CSTF2: variants seen among roughly 807,000 people sequenced by gnomAD.
The protein encoded by CSTF2 is CF-1 64 kDa subunit.
Under a neutral mutation model 45.4 loss-of-function variants are expected in CSTF2, and 8 were observed. That is an observed-to-expected ratio of 0.18 (90% CI 0.10 to 0.32). The LOEUF (loss-of-function observed/expected upper bound fraction) is 0.32. Among genes scored for constraint, CSTF2 ranks in the 10% least tolerant of loss-of-function variants. The pLI is 1.00. For synonymous variants in CSTF2, 155 were observed against 158.9 expected, an observed-to-expected ratio of 0.98 and a Z score of 0.18; for missense variants, 253 against 477.1, an observed-to-expected ratio of 0.53 and a Z score of 4.38.
intron 11 of CSTF2, among the ~76,000 whole-genome samples, chrX:100,835,482 A>G (rs1359572336): frequency 9.3e-6 from 1 of 107,301 alleles, no homozygotes; most frequent in Non-Finnish European, 1.9e-5. Flanking sequence ...CTTTTATTAG[A>G]TTTTTCATGT....
intron 12 of CSTF2, 43 bp downstream of exon 12, chrX:100,837,492 C>A (rs751591053): frequency 1.1e-6 from 1 of 907,741 alleles, no homozygotes; most frequent in Admixed American, 2.4e-5. Flanking sequence ...ACAATTCTAG[C>A]CTTTTTGATT....
intron 1 of CSTF2, chrX:100,820,681 A>G: frequency 1.9e-6 from 1 of 517,381 alleles, no homozygotes; most frequent in South Asian, 2.5e-5. Context: ...TCAGTGGGGA[A>G]GTTAGACTAG....
rs748480892 is a variant in CSTF2 at position 100,824,271 on chromosome X, C to T, written c.702+14C>T. On this transcript the variant is annotated intron_variant, in intron 6 of 13. Transcript: ENST00000372972. ...GCCCAGTCTTTGGTAGGGCTTTATC[C>T]CTTAACATTTTTTTGTATCTGTCTT... 1.7e-6 allele frequency: 2 copies of T among 1,180,534 alleles called. No homozygotes were observed. The highest frequency in any genetic ancestry group is 1.1e-6 in the Non-Finnish European group (1 of 882,381).
chrX:100,825,977 C>T (rs1266989294), intron 6 of CSTF2, among the ~76,000 whole-genome samples: 1 of 111,302 alleles, frequency 9.0e-6, no homozygotes, highest in Non-Finnish European at 1.9e-5. Flanking sequence ...GTTCCTTAAA[C>T]GTATATGTGA....
chrX:100,823,227 A>C (rs1299341340), intron 3 of CSTF2, 65 bp from the exon 4 acceptor site: 1 of 1,145,979 alleles, frequency 8.7e-7, no homozygotes, highest in Admixed American at 2.4e-5. Context: ...TGAAAAGTAG[A>C]TATTTGAAAT....
chrX:100,823,208 C>G (rs1244305260), intron 3 of CSTF2, 84 bp from the exon 4 acceptor site: 3 of 1,059,987 alleles, frequency 2.8e-6, no homozygotes, highest in Non-Finnish European at 3.8e-6. Flanking sequence ...CTGGTTCTTA[C>G]AGCAGCCCTG....
At chrX:100,828,897 C>A (rs1205167532) in intron 8 of CSTF2, among the ~76,000 whole-genome samples, 1 of 112,221 alleles carries the variant, frequency 8.9e-6, no homozygotes, top group East Asian at 2.8e-4. Context: ...AAGTTACTTT[C>A]TCAAGGGGAC....
chrX:100,836,225 A>G (rs1382678623), intron 11 of CSTF2, among the ~76,000 whole-genome samples: 1 of 112,777 alleles, frequency 8.9e-6, no homozygotes, highest in East Asian at 2.8e-4. Flanking sequence ...TTAATAAAAA[A>G]TTATAAAAAG....
Position 100,833,344 on chromosome X carries a change from C to G in CSTF2, c.1372C>G (p.Arg458Gly). 1 of 1,210,103 alleles carries G rather than the reference C, an allele frequency of 8.3e-7. No individual in the cohort carries two copies. Among genetic ancestry groups the G allele is most frequent in the Non-Finnish European group, 1.1e-6 (1 of 894,909 alleles). ...RAMEARAMEV[R>G]GMEARGMDTR... Reference sequence around the variant, plus strand: ...GATGGAGGCCCGTGCAATGGAAGTCCGAGGGATGGAGGCCAGAGGCATGGA... The same window carrying G: ...GATGGAGGCCCGTGCAATGGAAGTCGGAGGGATGGAGGCCAGAGGCATGGA... The change falls in exon 11 of 14, where the codon CGA (arginine) becomes GGA (glycine). Residue 458 changes from arginine (R) to glycine (G), a missense_variant. By Grantham distance (125) the Arg-to-Gly change is moderately radical. Transcript: ENST00000372972.
At chrX:100,822,738 G>A (rs1311415501) in intron 3 of CSTF2, 18 of 259,822 alleles carry the variant, frequency 6.9e-5, no homozygotes, top group Non-Finnish European at 1.2e-4. Context: ...ACCTAAGCAT[G>A]CTGGAGGCTT....
At chrX:100,820,764 C>G in intron 1 of CSTF2, 4 of 440,536 alleles carry the variant, frequency 9.1e-6, no homozygotes, top group Non-Finnish European at 1.7e-5. Flanking sequence ...ACGGTAACAG[C>G]TCCTCACTGT....
chrX:100,834,403 A>G (rs2084995456), intron 11 of CSTF2, among the ~76,000 whole-genome samples: 1 of 112,163 alleles, frequency 8.9e-6, no homozygotes, highest in East Asian at 2.8e-4. Flanking sequence ...CCAAATTCAC[A>G]TGACTAAAAA....
At chrX:100,837,207 T>A (rs2085014027) in intron 11 of CSTF2, 132 bp from the exon 12 acceptor site, 1 of 403,882 alleles carries the variant, frequency 2.5e-6, no homozygotes, top group Admixed American at 5.1e-5. Flanking sequence ...TAGAAAATGA[T>A]CTTCAGAGTC....
In CSTF2 at chrX:100,833,304, A is replaced by T; in HGVS notation, c.1332A>T (p.Ala444=). The change falls in exon 11 of 14, where the codon GCA becomes GCT. Residue 444 remains alanine, a synonymous_variant. Coordinates refer to ENST00000372972, the MANE Select transcript of CSTF2 (RefSeq NM_001325.3). ...AGGCCCGTGCGATGGAAGCTCGTGC[A>T]ATGGAGGCCCGAGCGATGGAGGCCC... ...AMEARAMEAR[A]MEARAMEARA... 1 of 1,209,409 alleles carries T rather than the reference A, an allele frequency of 8.3e-7. No homozygotes were observed. Among genetic ancestry groups the T allele is most frequent in the Non-Finnish European group, 1.1e-6 (1 of 894,598 alleles).
Position 100,831,552 on chromosome X carries a change from A to T in CSTF2, c.927A>T (p.Gly309=). The T allele has an allele frequency of 8.3e-7, 1 of 1,211,296 alleles. No individual in the cohort carries two copies. The highest frequency in any genetic ancestry group is 1.1e-6 in the Non-Finnish European group (1 of 895,229). Residue 309 remains glycine (G), a synonymous_variant, in exon 9 of 14, where the codon GGA becomes GGT. Transcript: ENST00000372972. The part of the protein sequence containing the change: ...MQDPRAAMQR[G]SLPANVPTPR... The stretch of plus-strand genomic sequence containing the variant: ...ACCCCAGAGCAGCTATGCAGCGGGG[A>T]TCCTTGCCTGCGAATGTCCCAACCC...
At position 100,841,335 on chromosome X, in the gene CSTF2, T is replaced by C. The variant is rs1228007685; in HGVS notation, c.*625T>C. On this transcript the variant is annotated 3_prime_UTR_variant, in exon 14 of 14. Coordinates refer to ENST00000372972, the MANE Select transcript of CSTF2 (RefSeq NM_001325.3). ...TTTGTTTCAATAGCAGGTCTGAACA[T>C]GTATAATTCAGAGTTAAGACAAAAA... 1.8e-5 allele frequency among the ~76,000 whole-genome samples: 2 copies of C among 112,311 alleles called. No individual in the cohort carries two copies. The highest frequency in any genetic ancestry group is 3.8e-5 in the Non-Finnish European group (2 of 53,278).
chrX:100,837,080 G>A (rs2085012925), intron 11 of CSTF2, among the ~76,000 whole-genome samples: 1 of 112,182 alleles, frequency 8.9e-6, no homozygotes, highest in South Asian at 3.7e-4. Context: ...GATTAATTCA[G>A]TGGTATCCAG....
At position 100,824,255 on chromosome X, in the gene CSTF2, T is replaced by C. The variant is rs1395432579; in HGVS notation, c.700T>C (p.Leu234=). ...QNPQAPQAQS[L]GGMHVNGAPP... ...TCCTCAGGCCCCTCAGGCCCAGTCT[T>C]TGGTAGGGCTTTATCCCTTAACATT... is the stretch of plus-strand genomic sequence containing the variant. Residue 234 remains leucine, a splice_region_variant and synonymous_variant, in exon 6 of 14, where the codon TTG becomes CTG. Coordinates refer to ENST00000372972, the MANE Select transcript of CSTF2 (RefSeq NM_001325.3). The C allele has an allele frequency of 8.3e-6, 10 of 1,203,679 alleles. No homozygotes were observed. The highest frequency in any genetic ancestry group is 1.1e-5 in the Non-Finnish European group (10 of 892,393).
chrX:100,828,134 A>T, intron 8 of CSTF2, 32 bp downstream of exon 8: 1 of 1,121,729 alleles, frequency 8.9e-7, no homozygotes, highest in Middle Eastern at 2.4e-4. Flanking sequence ...ACTAATGTTA[A>T]TTGGTCATGG....
Sources: gnomAD v4.1 joint callset for allele counts (sites outside exome capture counted in the v4.1 genomes callset) on GRCh38, gnomAD v4.1.1 for gene constraint, MANE v1.5 for transcripts, NCBI Gene and HGNC (gene_info 2026-07-23, HGNC 2026-07-21) for gene names.